The following ENKUR variants were observed in gnomAD, a reference collection of about 807,000 sequenced individuals.
The protein encoded by ENKUR is enkurin.
ENKUR carries 19 observed loss-of-function variants against 27.6 expected under a neutral mutation model. That is an observed-to-expected ratio of 0.69 (90% CI 0.48 to 1.01). The LOEUF is 1.01. Among genes scored for constraint, ENKUR ranks in the 50% least tolerant of loss-of-function variants. The probability of loss-of-function intolerance (pLI) is 0.00; values close to 1 mark genes in which losing one functional copy is unlikely to be tolerated. For missense variants in ENKUR, 312 were observed against 310.5 expected (o/e 1.00, Z -0.04); for synonymous variants, 117 against 96.9 (o/e 1.21, Z -1.22).
Position 24,984,365 on chromosome 10 carries a change from T to C in ENKUR, c.*5A>G. 15 of 1,587,232 alleles carry C rather than the reference T, an allele frequency of 9.5e-6. No individual in the cohort carries two copies. The highest frequency in any genetic ancestry group is 1.3e-5 in the Non-Finnish European group (15 of 1,171,492). On this transcript the variant is annotated 3_prime_UTR_variant, in exon 6 of 6. Coordinates refer to ENST00000331161, the MANE Select transcript of ENKUR (RefSeq NM_145010.4). The stretch of plus-strand genomic sequence containing the variant: ...TTAACAGTTTTCAAAGTTGTGCTGT[T>C]GGTATCATGCGCTGCAGAAAAAAAA...
At chr10:25,025,119 T>C (rs1564350920) in intron 2 of ENKUR, 4 of 1,614,210 alleles carry the variant, frequency 2.5e-6, no homozygotes, top group South Asian at 1.1e-5. Flanking sequence ...ACTCCACCTA[T>C]AATACTTCAG....
chr10:24,995,359 A>C (rs1165431670), intron 3 of ENKUR, among the ~76,000 whole-genome samples: 1 of 152,212 alleles, frequency 6.6e-6, no homozygotes, highest in African/African-American at 2.4e-5. Context: ...CTAACCAAAA[A>C]TATCTTTCAG....
intron 2 of ENKUR, among the ~76,000 whole-genome samples, chr10:25,044,246 A>G (rs182856998): frequency 2.6e-5 from 4 of 152,296 alleles, no homozygotes; most frequent in Admixed American, 6.5e-5. Context: ...AATTTCTTGC[A>G]TATAACTTTG....
chr10:24,991,503 C>T (rs114936768), intron 3 of ENKUR, among the ~76,000 whole-genome samples: 2,640 of 151,998 alleles, frequency 0.017, 83 homozygotes, highest in African/African-American at 0.061. Flanking sequence ...CAGGGGCGTG[C>T]CAACAAAAGA....
chr10:25,054,512 TC>T (rs567239429), intron 2 of ENKUR, among the ~76,000 whole-genome samples: 1,401 of 100,600 alleles, frequency 0.014, 23 homozygotes, highest in African/African-American at 0.044. Context: ...TTTCTTTCTT[TC>T]CTTTCTTTCT....
At chr10:25,016,249 C>G, upstream of ENKUR, 1 of 980,608 alleles carries the variant, frequency 1.0e-6, no homozygotes, top group Non-Finnish European at 1.3e-6. Context: ...TCTGCAGCGC[C>G]TTCTGCTAGA....
At position 25,054,496 on chromosome 10, in the gene ENKUR, T is replaced by TCTTTCTTTCTTTC. The variant is rs1564358659; in HGVS notation, c.37+6603_37+6615dup. On this transcript the variant is annotated intron_variant, in intron 2 of 5. Coordinates refer to the ENKUR transcript ENST00000615958. ...TTCTTTCTTTCTTTCTTTCTTTCTT[T>TCTTTCTTTCTTTC]CTTTCTTTCTTTCTTTCCTTTCTTT... 2.8e-5 allele frequency among the ~76,000 whole-genome samples: 4 copies of TCTTTCTTTCTTTC among 141,516 alleles called. No homozygotes were observed. The East Asian group carries it at 8.1e-4, about 29-fold the overall frequency. The allele number at this position is 141,516 out of a possible 152,430, so 92.8% of individuals were successfully genotyped here. A position where few individuals can be genotyped will look rare whatever the true frequency, so the allele number is the denominator to read the frequency against.
chr10:24,985,561 C>T (rs1849761034), intron 4 of ENKUR, among the ~76,000 whole-genome samples: 1 of 152,138 alleles, frequency 6.6e-6, no homozygotes, highest in Non-Finnish European at 1.5e-5. Context: ...CATGCTAATT[C>T]AATAATGTAG....
intron 1 of ENKUR, among the ~76,000 whole-genome samples, chr10:25,010,351 G>A (rs1226662551): frequency 6.6e-6 from 1 of 152,126 alleles, no homozygotes; most frequent in Non-Finnish European, 1.5e-5. Context: ...AAATTTCTAA[G>A]CGGCAAAACA....
intron 3 of ENKUR, among the ~76,000 whole-genome samples, chr10:24,995,083 A>AAT (rs1392561329): frequency 2.0e-5 from 3 of 152,206 alleles, no homozygotes; most frequent in Non-Finnish European, 4.4e-5. Flanking sequence ...TTCAGATACA[A>AAT]ATGAAGGACC....
rs1384887216 is a variant in ENKUR at position 25,027,356 on chromosome 10, TCAAAAAAAA to T, written c.38-31496_38-31488del. Among the ~76,000 whole-genome samples the T allele has an allele frequency of 6.3e-4, 29 of 45,730 alleles. 3 individuals carry two copies. In the Admixed American group the frequency reaches 6.6e-3, roughly 10 times the overall value. 30.0% of individuals were successfully genotyped at this position (45,730 alleles called of 152,430 possible). A position where few individuals can be genotyped will look rare whatever the true frequency, so the allele number is the denominator to read the frequency against. On this transcript the variant is annotated intron_variant, in intron 2 of 5. Transcript: ENST00000615958. ...TGGGTGACAGAGCAAGACTCCCGTC[TCAAAAAAAA>T]AAAAAAAAAAAAAAAAAAAAAACTA...
chr10:25,034,376 C>T (rs1418747827), intron 2 of ENKUR, among the ~76,000 whole-genome samples: 17 of 152,088 alleles, frequency 1.1e-4, no homozygotes, highest in Admixed American at 1.1e-3. Context: ...TTCATTTTAG[C>T]ATAACATAGT....
intron 2 of ENKUR, among the ~76,000 whole-genome samples, chr10:25,044,213 A>T (rs952085979): frequency 5.9e-5 from 9 of 152,198 alleles, no homozygotes; most frequent in African/African-American, 2.2e-4. Context: ...AAGAATGTTA[A>T]GTTCCATTCT....
intron 2 of ENKUR, among the ~76,000 whole-genome samples, chr10:25,060,352 A>G (rs1445903383): frequency 6.6e-6 from 1 of 152,186 alleles, no homozygotes; most frequent in African/African-American, 2.4e-5. Context: ...GAGCCAAAGA[A>G]TACCATGACC....
intron 2 of ENKUR, among the ~76,000 whole-genome samples, chr10:25,027,925 G>A (rs1458304037): frequency 6.6e-6 from 1 of 152,156 alleles, no homozygotes. Flanking sequence ...CAAAAATTCA[G>A]TCGTACAAGC....
chr10:25,003,310 G>A (rs1850237226), intron 1 of ENKUR, among the ~76,000 whole-genome samples: 1 of 152,102 alleles, frequency 6.6e-6, no homozygotes. Context: ...GGGTTCAAAT[G>A]ATTCTCATGC....
rs934681701 is a variant in ENKUR at position 24,983,687 on chromosome 10, G to A, written c.*683C>T. 1.3e-5 allele frequency: 2 copies of A among 152,088 alleles called. No individual in the cohort carries two copies. Among genetic ancestry groups the A allele is most frequent in the Non-Finnish European group, 2.9e-5 (2 of 68,002 alleles). The allele number at this position is 152,088 out of a possible 1,614,324, so 9.4% of individuals were successfully genotyped here. On this transcript the variant is annotated 3_prime_UTR_variant, in exon 6 of 6. Transcript: ENST00000331161. ...TTTCTATAAGGCTTCCAAATTCTGT[G>A]TTTGTGAAAAAAGCCTGAAAGACTC...
In ENKUR at chr10:25,016,066, T is replaced by C. The variant is rs1387232399; in HGVS notation, c.-130A>G. On this transcript the variant is annotated 5_prime_UTR_variant, in exon 1 of 6. Transcript: ENST00000331161. ...TTCTGAAGGACCACAGGTTCTCTCCTTCACATCGTCCCCCTTTAACCCCCT... is the reference window on the plus strand; with the variant it reads ...TTCTGAAGGACCACAGGTTCTCTCCCTCACATCGTCCCCCTTTAACCCCCT... The C allele has an allele frequency of 7.1e-7, 1 of 1,413,182 alleles. No individual in the cohort carries two copies. Among genetic ancestry groups the C allele is most frequent in the Non-Finnish European group, 9.3e-7 (1 of 1,079,264 alleles). 87.5% of individuals were successfully genotyped at this position (1,413,182 alleles called of 1,614,324 possible). A position where few individuals can be genotyped will look rare whatever the true frequency, so the allele number is the denominator to read the frequency against.
chr10:25,030,890 G>A (rs1025711926), intron 2 of ENKUR, among the ~76,000 whole-genome samples: 1 of 152,102 alleles, frequency 6.6e-6, no homozygotes, highest in Non-Finnish European at 1.5e-5. Context: ...GGTGGAGGCA[G>A]GTGGATCACC....
Sources: allele counts gnomAD v4.1 joint callset (sites outside exome capture counted in the v4.1 genomes callset), GRCh38; gene constraint gnomAD v4.1.1; transcripts MANE v1.5; gene names NCBI Gene and HGNC (gene_info 2026-07-23, HGNC 2026-07-21).